Variants in ABCD4 observed in about 807,000 individuals in gnomAD.
ABCD4 encodes the protein ATP binding cassette subfamily D member 4, also known as lysosomal cobalamin transporter ABCD4.
ABCD4 carries 53 observed loss-of-function variants against 86.3 expected under a neutral mutation model. The observed-to-expected ratio is 0.61, with a 90% CI of 0.49 to 0.77. The LOEUF (loss-of-function observed/expected upper bound fraction) is 0.77, where lower values mean the gene tolerates loss of function less well. Ranked by LOEUF, ABCD4 falls within the 30% of genes least tolerant of loss-of-function variation. The pLI, the probability that ABCD4 is intolerant of heterozygous loss-of-function variation, is 0.00. For synonymous variants in ABCD4, 328 were observed against 313.6 expected (o/e 1.05, Z -0.49); for missense variants, 757 against 764.5 (o/e 0.99, Z 0.12).
chr14:74,286,833 C>T lies in ABCD4; in HGVS notation c.1637-17G>A. The T allele has an allele frequency of 6.2e-7, 1 of 1,611,072 alleles. No individual in the cohort carries two copies. Among genetic ancestry groups the T allele is most frequent in the Non-Finnish European group, 8.5e-7 (1 of 1,177,940 alleles). On this transcript the variant is annotated splice_polypyrimidine_tract_variant and intron_variant, in intron 17 of 18. Transcript: ENST00000356924. ...CATCAAGCACTGAGGGGGCAGAGCA[C>T]AGAGGAAGAGATCAAAGCCCTGCCC...
At chr14:74,299,340 G>T in intron 3 of ABCD4, 1 of 557,824 alleles carries the variant, frequency 1.8e-6, no homozygotes, top group Non-Finnish European at 3.1e-6. Flanking sequence ...GGGCCCAGGA[G>T]TGGAAACATC....
intron 13 of ABCD4, 98 bp downstream of exon 13, chr14:74,289,929 C>A: frequency 6.3e-7 from 1 of 1,580,292 alleles, no homozygotes; most frequent in Admixed American, 1.8e-5. Context: ...ACCTTTTGCC[C>A]TGACTCTAGG....
At chr14:74,287,957 G>T in intron 16 of ABCD4, 71 bp from the exon 17 acceptor site, 1 of 1,411,152 alleles carries the variant, frequency 7.1e-7, no homozygotes, top group South Asian at 1.2e-5. Flanking sequence ...AGAATGGTCT[G>T]GGTAGGAAGA....
chr14:74,300,601 A>AAG (rs2140118119), intron 1 of ABCD4, among the ~76,000 whole-genome samples: 1 of 152,006 alleles, frequency 6.6e-6, no homozygotes, highest in Admixed American at 6.6e-5. Flanking sequence ...CTCAAAAAAA[A>AAG]AAAAAAAACC....
At chr14:74,288,479 T>G in intron 15 of ABCD4, 1 of 653,916 alleles carries the variant, frequency 1.5e-6, no homozygotes, top group Non-Finnish European at 2.6e-6. Flanking sequence ...ATGATGACAG[T>G]AAAAAGCAAA....
chr14:74,292,615 T>G lies in ABCD4; in HGVS notation c.964A>C (p.Ser322Arg). Reference protein sequence around the residue: ...KNAFVCIYLISCFTQLIDLST... With the variant: ...KNAFVCIYLIRCFTQLIDLST... ...AGGTCGATGAGCTGGGTGAAGCAGC[T>G]GATGAGGTAGATGCACACAAAGGCA... The change falls in exon 10 of 19, where the codon AGC (serine) becomes CGC (arginine). Residue 322 changes from serine (S) to arginine (R), a missense_variant. Coordinates refer to ENST00000356924, the MANE Select transcript of ABCD4 (RefSeq NM_005050.4). 6.2e-7 allele frequency: 1 copy of G among 1,612,442 alleles called. No homozygotes were observed.
rs1192871591 is a variant in ABCD4, at chr14:74,287,872, G to A, written c.1574C>T (p.Ser525Phe). 1.9e-6 allele frequency: 3 copies of A among 1,613,180 alleles called. No homozygotes were observed. The highest frequency in any genetic ancestry group is 2.2e-5 in the East Asian group (1 of 44,818). Residue 525 changes from serine (S) to phenylalanine (F), a missense_variant, in exon 17 of 19, where the codon TCC becomes TTC. Ser to Phe is a radical substitution (Grantham distance 155). Coordinates refer to ENST00000356924, the MANE Select transcript of ABCD4 (RefSeq NM_005050.4). ...GGAGAGCCGTTGCATCTCCCCCGGG[G>A]ACAGAACATCATACCTGAGGAAAGG... The part of the protein sequence containing the change: ...QVDWNWYDVL[S>F]PGEMQRLSFA...
chr14:74,293,032 T>C (rs2081967571), intron 8 of ABCD4, 122 bp downstream of exon 8: 2 of 1,430,068 alleles, frequency 1.4e-6, no homozygotes, highest in South Asian at 1.3e-5. Context: ...CCCCTCCTCA[T>C]CCCCGGTTAA....
In ABCD4 at chr14:74,292,739, G is replaced by T; in HGVS notation, c.936+9C>A. 1.2e-6 allele frequency: 2 copies of T among 1,614,046 alleles called. No homozygotes were observed. Among genetic ancestry groups the T allele is most frequent in the South Asian group, 1.1e-5 (1 of 91,050 alleles). ...GACAGCATGTGGGGTGACCAAGAGG[G>T]AGTCTCACCTTGCTGACCAGGGTGC... On this transcript the variant is annotated intron_variant, in intron 9 of 18. Transcript: ENST00000356924.
At position 74,302,864 on chromosome 14, in the gene ABCD4, G is replaced by T; in HGVS notation, c.38+11C>A. 6.2e-7 allele frequency: 1 copy of T among 1,605,510 alleles called. No individual in the cohort carries two copies. The highest frequency in any genetic ancestry group is 8.5e-7 in the Non-Finnish European group (1 of 1,176,312). On this transcript the variant is annotated intron_variant, in intron 1 of 18. Coordinates refer to ENST00000356924, the MANE Select transcript of ABCD4 (RefSeq NM_005050.4). ...CTGCTCCCAAACCTCCTCCCCGACCGCCCTGCTTACCTGGCGCCAGCTCCG... is the reference window on the plus strand; with the variant it reads ...CTGCTCCCAAACCTCCTCCCCGACCTCCCTGCTTACCTGGCGCCAGCTCCG...
At chr14:74,292,919 C>G (rs745884973) in intron 8 of ABCD4, 50 bp from the exon 9 acceptor site, 3 of 1,611,994 alleles carry the variant, frequency 1.9e-6, no homozygotes, top group Non-Finnish European at 2.5e-6. Flanking sequence ...ACATGCCCTA[C>G]AGCGGACACA....
rs2082476927 is a variant in ABCD4 at position 74,295,010 on chromosome 14, T to TAGAGGG, written c.719+132_719+137dup. 8.8e-6 allele frequency: 9 copies of TAGAGGG among 1,017,174 alleles called. 1 individual carries two copies. In the East Asian group the frequency reaches 2.2e-4, roughly 25 times the overall value. 63.0% of individuals were successfully genotyped at this position (1,017,174 alleles called of 1,614,324 possible). On this transcript the variant is annotated intron_variant, in intron 7 of 18. Coordinates refer to ENST00000356924, the MANE Select transcript of ABCD4 (RefSeq NM_005050.4). ...TGAGGCAGGCAAGGGCAGGGGGAGG[T>TAGAGGG]AGAGGGAGAGGGTCACAGCCAAGTG...
intron 3 of ABCD4, among the ~76,000 whole-genome samples, chr14:74,298,681 T>C (rs959913237): frequency 1.3e-5 from 2 of 152,204 alleles, no homozygotes; most frequent in African/African-American, 4.8e-5. Context: ...GTCGATTCCA[T>C]TTATGTTCTT....
intron 1 of ABCD4, among the ~76,000 whole-genome samples, 190 bp from the exon 2 acceptor site, chr14:74,300,458 G>A (rs957722890): frequency 2.0e-5 from 3 of 151,926 alleles, no homozygotes. Context: ...CAAGCGTGGT[G>A]GCTCATGCCT....
In ABCD4 at chr14:74,299,577, C is replaced by T; in HGVS notation, c.256G>A (p.Ala86Thr). 6.2e-7 allele frequency: 1 copy of T among 1,613,840 alleles called. No individual in the cohort carries two copies. Among genetic ancestry groups the T allele is most frequent in the Non-Finnish European group, 8.5e-7 (1 of 1,179,836 alleles). Reference protein sequence around the residue: ...LEGFKTLTFLAVMLIVLNSTL... With the variant: ...LEGFKTLTFLTVMLIVLNSTL... Reference sequence around the variant, plus strand: ...GAGTTCAGAACAATGAGCATGACAGCCAGGAATGTCAGAGTCTTAAACCCT... The same window carrying T: ...GAGTTCAGAACAATGAGCATGACAGTCAGGAATGTCAGAGTCTTAAACCCT... The change falls in exon 3 of 19, where the codon GCT becomes ACT. Residue 86 changes from alanine to threonine, a missense_variant. Coordinates refer to ENST00000356924, the MANE Select transcript of ABCD4 (RefSeq NM_005050.4).
rs1476833747 is a variant in ABCD4, at chr14:74,286,288, A to G, written c.*173T>C. 1.6e-6 allele frequency: 1 copy of G among 643,278 alleles called. No individual in the cohort carries two copies. The highest frequency in any genetic ancestry group is 1.8e-5 in the African/African-American group (1 of 54,904). The allele number at this position is 643,278 out of a possible 1,614,324, so 39.8% of individuals were successfully genotyped here. A position where few individuals can be genotyped will look rare whatever the true frequency, so the allele number is the denominator to read the frequency against. ...GGGAGATTCAGTGTCCCCCACAGAA[A>G]CCTAGACCTGGGCTCAGCCCACCAC... On this transcript the variant is annotated 3_prime_UTR_variant, in exon 19 of 19. Coordinates refer to ENST00000356924, the MANE Select transcript of ABCD4 (RefSeq NM_005050.4).
Position 74,295,143 on chromosome 14 carries a change from C to T in ABCD4, c.719+5G>A, listed in dbSNP as rs778817770. The T allele has an allele frequency of 6.2e-7, 1 of 1,614,136 alleles. No individual in the cohort carries two copies. The highest frequency in any genetic ancestry group is 1.1e-5 in the South Asian group (1 of 91,084). Reference sequence around the variant, plus strand: ...GCAGAAGGGGAACCATCTCTCCAGACTCACCTGTAGAAAGCAGCAGGCTCC... The same window carrying T: ...GCAGAAGGGGAACCATCTCTCCAGATTCACCTGTAGAAAGCAGCAGGCTCC... On this transcript the variant is annotated splice_donor_5th_base_variant and intron_variant, in intron 7 of 18. Coordinates refer to ENST00000356924, the MANE Select transcript of ABCD4 (RefSeq NM_005050.4).
intron 6 of ABCD4, 31 bp from the exon 7 acceptor site, chr14:74,295,229 C>A (rs753437005): frequency 1.2e-6 from 2 of 1,613,498 alleles, no homozygotes; most frequent in East Asian, 4.5e-5. Context: ...TGTGTGCTGA[C>A]AACAGGGAGT....
intron 5 of ABCD4, 55 bp from the exon 6 acceptor site, chr14:74,296,034 C>T (rs542305371): frequency 2.2e-4 from 334 of 1,548,032 alleles, no homozygotes; most frequent in Non-Finnish European, 2.8e-4. Context: ...CACCTATCCC[C>T]ACATGCCTCA....
Sources: gnomAD v4.1 joint callset for allele counts (sites outside exome capture counted in the v4.1 genomes callset) on GRCh38, gnomAD v4.1.1 for gene constraint, MANE v1.5 for transcripts, NCBI Gene and HGNC (gene_info 2026-07-23, HGNC 2026-07-21) for gene names.